Variants in GNG7 observed in about 807,000 individuals in gnomAD.
The protein encoded by GNG7 is guanine nucleotide-binding protein G(I)/G(S)/G(O) subunit gamma-7.
In GNG7, 1 loss-of-function variant was observed where a neutral mutation model predicts 4.0. The observed-to-expected ratio is 0.25, with a 90% CI of 0.09 to 1.18. The LOEUF is 1.18. Among genes scored for constraint, GNG7 ranks in the 50% most tolerant of loss-of-function variants. The probability of loss-of-function intolerance (pLI) is 0.50; values close to 1 mark genes in which losing one functional copy is unlikely to be tolerated. For synonymous variants in GNG7, 34 were observed against 36.9 expected, an observed-to-expected ratio of 0.92 and a Z score of 0.29; for missense variants, 86 against 91.9, an observed-to-expected ratio of 0.94 and a Z score of 0.26.
chr19:2,602,690 T>C (rs115956333), intron 2 of GNG7, among the ~76,000 whole-genome samples: 1,930 of 152,284 alleles, frequency 0.013, 58 homozygotes, highest in African/African-American at 0.044. Context: ...TCCCATACGC[T>C]GGACAGCAAG....
At chr19:2,565,779 C>CGAT in intron 2 of GNG7, among the ~76,000 whole-genome samples, 1 of 152,192 alleles carries the variant, frequency 6.6e-6, no homozygotes, top group East Asian at 1.9e-4. Flanking sequence ...TGAGCCCGGC[C>CGAT]GAGTCCTACA....
In GNG7 at chr19:2,514,598, G is replaced by A; in HGVS notation, c.*424C>T. The stretch of plus-strand genomic sequence containing the variant: ...ACCCTATGAAGTCTTTTTACCAATG[G>A]CCAATTCTCCCGGAACTATTGCCAC... On this transcript the variant is annotated 3_prime_UTR_variant, in exon 5 of 5. Coordinates refer to ENST00000382159, the MANE Select transcript of GNG7 (RefSeq NM_052847.3). The A allele has an allele frequency of 6.3e-6, 1 of 158,414 alleles. No homozygotes were observed. Among genetic ancestry groups the A allele is most frequent in the Non-Finnish European group, 1.4e-5 (1 of 71,848 alleles). 9.8% of individuals were successfully genotyped at this position (158,414 alleles called of 1,614,324 possible).
intron 2 of GNG7, among the ~76,000 whole-genome samples, chr19:2,568,706 A>G (rs1274306080): frequency 3.4e-5 from 5 of 148,748 alleles, no homozygotes; most frequent in Non-Finnish European, 7.5e-5. Context: ...CATAAAATAT[A>G]GACACACATA....
intron 1 of GNG7, among the ~76,000 whole-genome samples, chr19:2,691,468 T>A (rs1913133609): frequency 6.6e-6 from 1 of 151,566 alleles, no homozygotes; most frequent in Non-Finnish European, 1.5e-5. Context: ...CACTTGAGCC[T>A]GGGAGGCGGA....
intron 2 of GNG7, chr19:2,642,719 C>G (rs1309167911): frequency 4.5e-6 from 2 of 446,532 alleles, no homozygotes; most frequent in South Asian, 1.6e-5. Flanking sequence ...ATCTCAAACT[C>G]CTGGGCTCAA....
At chr19:2,542,260 G>A (rs368754190) in intron 3 of GNG7, among the ~76,000 whole-genome samples, 5 of 151,656 alleles carry the variant, frequency 3.3e-5, no homozygotes, top group Admixed American at 2.0e-4. Context: ...GATTACAGGC[G>A]CTCACAACCA....
At chr19:2,586,984 C>CA (rs756891397) in intron 2 of GNG7, among the ~76,000 whole-genome samples, 1,186 of 48,446 alleles carry the variant, frequency 0.024, 48 homozygotes, top group Non-Finnish European at 0.032. Flanking sequence ...GACTCCATCT[C>CA]AAAAAAAAAA....
intron 2 of GNG7, among the ~76,000 whole-genome samples, chr19:2,594,395 GAAAGAAGGAGGGAAGGAA>G (rs1568256121): frequency 6.3e-5 from 8 of 127,194 alleles, no homozygotes; most frequent in Non-Finnish European, 1.2e-4. Flanking sequence ...AAGAAGGAAA[GAAAGAAGGAGGGAAGGAA>G]GGAAGGAAGG....
intron 1 of GNG7, among the ~76,000 whole-genome samples, chr19:2,696,282 A>AAGAG (rs150887277): frequency 1.5e-3 from 190 of 128,750 alleles, no homozygotes; most frequent in East Asian, 4.5e-3. Context: ...GAGAAAGAAA[A>AAGAG]AGAGAGAGAG....
At chr19:2,569,512 G>A (rs572423261) in intron 2 of GNG7, among the ~76,000 whole-genome samples, 1 of 152,006 alleles carries the variant, frequency 6.6e-6, no homozygotes, top group African/African-American at 2.4e-5. Flanking sequence ...CCTGACCTCG[G>A]GATCCACCCG....
At chr19:2,570,489 T>C (rs2144780340) in intron 2 of GNG7, among the ~76,000 whole-genome samples, 1 of 152,232 alleles carries the variant, frequency 6.6e-6, no homozygotes, top group Non-Finnish European at 1.5e-5. Context: ...CCGTGTTCAC[T>C]GGGGAAGTGG....
chr19:2,581,321 T>C (rs1422137255), intron 2 of GNG7, among the ~76,000 whole-genome samples: 1 of 8,676 alleles, frequency 1.2e-4, no homozygotes, highest in South Asian at 3.4e-3. Context: ...GGTGGAGGGG[T>C]GATGGGGGTG....
At chr19:2,566,455 T>C (rs1248814182) in intron 2 of GNG7, among the ~76,000 whole-genome samples, 2 of 152,166 alleles carry the variant, frequency 1.3e-5, no homozygotes, top group African/African-American at 4.8e-5. Flanking sequence ...TCTAAACGGC[T>C]AGGTCTGTGG....
chr19:2,695,115 G>A (rs981952987), intron 1 of GNG7, among the ~76,000 whole-genome samples: 31 of 152,050 alleles, frequency 2.0e-4, no homozygotes, highest in African/African-American at 5.8e-4. Flanking sequence ...GTTTGAGGCT[G>A]CAGTGAGCCA....
intron 1 of GNG7, among the ~76,000 whole-genome samples, chr19:2,695,892 C>T (rs1310098443): frequency 1.3e-5 from 2 of 152,138 alleles, no homozygotes; most frequent in East Asian, 3.9e-4. Context: ...GGCATGGGGG[C>T]TCACGCCTGT....
intron 3 of GNG7, among the ~76,000 whole-genome samples, chr19:2,553,991 T>TA (rs1012254173): frequency 2.0e-5 from 3 of 146,864 alleles, no homozygotes; most frequent in South Asian, 2.1e-4. Context: ...ATGTAATATA[T>TA]ATTACACATA....
In GNG7 at chr19:2,513,689, C is replaced by T. The variant is rs1207734378; in HGVS notation, c.*1333G>A. 10 of 401,832 alleles carry T rather than the reference C, an allele frequency of 2.5e-5. 1 individual carries two copies. The highest frequency in any genetic ancestry group is 3.4e-5 in the Non-Finnish European group (10 of 296,962). The allele number at this position is 401,832 out of a possible 1,614,324, so 24.9% of individuals were successfully genotyped here. ...CGTTTTGAGCGGACGTTTTGATCTCCGGGACAACGTCTCACCTCCCAGAGT... is the reference window on the plus strand; with the variant it reads ...CGTTTTGAGCGGACGTTTTGATCTCTGGGACAACGTCTCACCTCCCAGAGT... On this transcript the variant is annotated 3_prime_UTR_variant, in exon 5 of 5. Transcript: ENST00000382159.
chr19:2,690,438 T>C (rs760054438), intron 1 of GNG7, among the ~76,000 whole-genome samples: 6 of 152,130 alleles, frequency 3.9e-5, no homozygotes, highest in Non-Finnish European at 7.4e-5. Context: ...CCAGGGGCCA[T>C]ATATAAAACC....
intron 2 of GNG7, among the ~76,000 whole-genome samples, chr19:2,607,478 G>A (rs1371226315): frequency 3.4e-5 from 5 of 145,930 alleles, no homozygotes; most frequent in African/African-American, 5.1e-5. Context: ...GCAGTGAGCC[G>A]AGATCGCACC....
Sources: allele counts gnomAD v4.1 joint callset (sites outside exome capture counted in the v4.1 genomes callset), GRCh38; gene constraint gnomAD v4.1.1; transcripts MANE v1.5; gene names NCBI Gene and HGNC (gene_info 2026-07-23, HGNC 2026-07-21).